Variants in SLC24A2 observed in about 807,000 individuals in gnomAD.
The protein encoded by SLC24A2 is solute carrier family 24 member 2, also known as sodium/potassium/calcium exchanger 2.
SLC24A2 carries 36 observed loss-of-function variants against 62.0 expected under a neutral mutation model. That is an observed-to-expected ratio of 0.58 (90% CI 0.44 to 0.77). The LOEUF (loss-of-function observed/expected upper bound fraction) is 0.77. Ranked by LOEUF, SLC24A2 falls within the 30% of genes least tolerant of loss-of-function variation. The probability of loss-of-function intolerance (pLI) is 0.00; values close to 1 mark genes in which losing one functional copy is unlikely to be tolerated. For missense variants in SLC24A2, 846 were observed against 817.9 expected, an observed-to-expected ratio of 1.03 and a Z score of -0.42; for synonymous variants, 358 against 294.0, an observed-to-expected ratio of 1.22 and a Z score of -2.23.
the SLC24A2 span, among the ~76,000 whole-genome samples, chr9:20,272,461 G>A: frequency 2.0e-5 from 3 of 152,120 alleles, no homozygotes; most frequent in Non-Finnish European, 4.4e-5. Flanking sequence ...TGAGTACTAG[G>A]TAGTGTTCTA....
chr9:19,830,903 A>T, the SLC24A2 span, among the ~76,000 whole-genome samples: 1 of 152,174 alleles, frequency 6.6e-6, no homozygotes, highest in African/African-American at 2.4e-5. Context: ...TGGGGGCTGG[A>T]AAGTTCCAGA....
chr9:20,265,582 G>A, the SLC24A2 span, among the ~76,000 whole-genome samples: 6 of 152,274 alleles, frequency 3.9e-5, no homozygotes, highest in South Asian at 1.0e-3. Flanking sequence ...ATAAGCTGAG[G>A]AGGATGTATG....
intron 2 of SLC24A2, among the ~76,000 whole-genome samples, chr9:19,750,260 A>T (rs533880511): frequency 2.0e-5 from 3 of 152,176 alleles, no homozygotes; most frequent in South Asian, 2.1e-4. Context: ...TGTCCTCCCC[A>T]GTTGCCTAAT....
intron 8 of SLC24A2, among the ~76,000 whole-genome samples, chr9:19,535,402 G>C (rs912496138): frequency 6.6e-6 from 1 of 152,074 alleles, no homozygotes; most frequent in Non-Finnish European, 1.5e-5. Context: ...ATTGCTTTTC[G>C]TGTTTTAGAC....
the SLC24A2 span, among the ~76,000 whole-genome samples, chr9:19,834,069 C>T: frequency 1.0e-3 from 153 of 152,272 alleles, no homozygotes; most frequent in African/African-American, 3.6e-3. Context: ...CCCAAAAACC[C>T]ATCTGTACGT....
chr9:20,047,377 C>T, the SLC24A2 span, among the ~76,000 whole-genome samples: 1 of 151,832 alleles, frequency 6.6e-6, no homozygotes, highest in African/African-American at 2.4e-5. Flanking sequence ...AACCATTTAA[C>T]ACCATACCTG....
chr9:19,668,349 C>G (rs62564195), intron 2 of SLC24A2, among the ~76,000 whole-genome samples: 10,256 of 152,226 alleles, frequency 0.067, 410 homozygotes, highest in Middle Eastern at 0.17. Context: ...AACCCCAGAG[C>G]TGGGTGAAAT....
At chr9:19,773,594 C>G (rs1349785281) in intron 2 of SLC24A2, among the ~76,000 whole-genome samples, 1 of 152,190 alleles carries the variant, frequency 6.6e-6, no homozygotes, top group Non-Finnish European at 1.5e-5. Flanking sequence ...ATCATGAACA[C>G]TCATCATCAC....
chr9:20,051,657 C>CTTTTTTTTTTTTTTTTTTTTTTTT, the SLC24A2 span, among the ~76,000 whole-genome samples: 11 of 73,514 alleles, frequency 1.5e-4, no homozygotes, highest in Admixed American at 6.0e-4. Context: ...TTTTCTTTCT[C>CTTTTTTTTTTTTTTTTTTTTTTTT]TTTTTTTTTT....
intron 2 of SLC24A2, chr9:19,705,460 G>C (rs993188898): frequency 1.6e-5 from 3 of 189,846 alleles, no homozygotes; most frequent in African/African-American, 4.7e-5. Context: ...TCAAGAAGTG[G>C]GCATCCAGTG....
rs1004733495 is a variant in SLC24A2 at position 19,754,453 on chromosome 9, G to A, written c.930+31484C>T. On this transcript the variant is annotated intron_variant, in intron 2 of 10. Coordinates refer to ENST00000341998, the MANE Select transcript of SLC24A2 (RefSeq NM_020344.4). ...AATGACAGCGGGACTGGTGCCCAGT[G>A]TCTATTCCACTTTCCTTCTAGCATG... is the stretch of plus-strand genomic sequence containing the variant. Among the ~76,000 whole-genome samples, 19 of 152,330 alleles carry A rather than the reference G, an allele frequency of 1.2e-4. No individual in the cohort carries two copies. The East Asian group carries it at 3.3e-3, about 26-fold the overall frequency.
the SLC24A2 span, among the ~76,000 whole-genome samples, chr9:19,987,266 C>A: frequency 6.6e-5 from 10 of 152,102 alleles, no homozygotes; most frequent in African/African-American, 2.2e-4. Flanking sequence ...CTCTTTGCCA[C>A]TGGAATATAA....
chr9:20,055,170 A>G, the SLC24A2 span, among the ~76,000 whole-genome samples: 2 of 152,176 alleles, frequency 1.3e-5, no homozygotes, highest in South Asian at 2.1e-4. Context: ...TTGCTGCGTC[A>G]AGACTTTTAC....
chr9:19,542,291 T>C (rs1036063076), intron 8 of SLC24A2, among the ~76,000 whole-genome samples: 12 of 152,214 alleles, frequency 7.9e-5, no homozygotes, highest in African/African-American at 2.7e-4. Context: ...CACATTGATA[T>C]TGTATCCTGA....
chr9:19,839,784 A>G, the SLC24A2 span, among the ~76,000 whole-genome samples: 1 of 152,226 alleles, frequency 6.6e-6, no homozygotes, highest in Non-Finnish European at 1.5e-5. Context: ...GACAGACCAC[A>G]TAAATGAGAG....
At chr9:19,910,579 G>A in the SLC24A2 span, among the ~76,000 whole-genome samples, 2 of 151,990 alleles carry the variant, frequency 1.3e-5, no homozygotes, top group Non-Finnish European at 2.9e-5. Flanking sequence ...CTAACTCCCT[G>A]TACTCTCTCT....
chr9:20,069,549 A>G, the SLC24A2 span, among the ~76,000 whole-genome samples: 1 of 152,258 alleles, frequency 6.6e-6, no homozygotes, highest in Admixed American at 6.5e-5. Context: ...GGCACCCCAA[A>G]ACCATCCAGG....
chr9:19,549,951 C>G (rs949270486), intron 8 of SLC24A2, among the ~76,000 whole-genome samples, 186 bp downstream of exon 8: 1 of 152,188 alleles, frequency 6.6e-6, no homozygotes. Flanking sequence ...ATGTCACTTT[C>G]TCTTTTTCCT....
intron 7 of SLC24A2, among the ~76,000 whole-genome samples, chr9:19,566,879 A>G (rs1019337215): frequency 2.0e-5 from 3 of 149,552 alleles, no homozygotes; most frequent in African/African-American, 7.4e-5. Flanking sequence ...CAAACACAGC[A>G]TGTTCTCACT....
Sources: allele counts gnomAD v4.1 joint callset (sites outside exome capture counted in the v4.1 genomes callset), GRCh38; gene constraint gnomAD v4.1.1; transcripts MANE v1.5; gene names NCBI Gene and HGNC (gene_info 2026-07-23, HGNC 2026-07-21).